The following MB21D2 variants were observed in gnomAD, a reference collection of about 807,000 sequenced individuals.
MB21D2 encodes Mab-21 domain containing 2, also known as nucleotidyltransferase MB21D2.
Under a neutral mutation model 33.3 loss-of-function variants are expected in MB21D2, and 9 were observed. The observed-to-expected ratio is 0.27, with a 90% CI of 0.16 to 0.47. The LOEUF (loss-of-function observed/expected upper bound fraction) is 0.47. Ranked by LOEUF, MB21D2 falls within the 20% of genes least tolerant of loss-of-function variation. MB21D2 has a pLI of 0.99. For synonymous variants in MB21D2, 241 were observed against 236.3 expected, an observed-to-expected ratio of 1.02 and a Z score of -0.18; for missense variants, 540 against 624.6, an observed-to-expected ratio of 0.86 and a Z score of 1.44.
intron 1 of MB21D2, among the ~76,000 whole-genome samples, chr3:192,804,425 A>T (rs1711619439): frequency 1.6e-5 from 1 of 61,446 alleles, no homozygotes; most frequent in African/African-American, 6.6e-5. Flanking sequence ...TTTAAAACAG[A>T]TACACACACA....
At chr3:192,893,218 T>C (rs1560253092) in intron 1 of MB21D2, among the ~76,000 whole-genome samples, 2 of 152,142 alleles carry the variant, frequency 1.3e-5, no homozygotes, top group Non-Finnish European at 2.9e-5. Context: ...GCGATGTGGG[T>C]TTCCCCATGT....
chr3:192,862,738 G>C (rs1293542897), intron 1 of MB21D2, among the ~76,000 whole-genome samples: 1 of 152,218 alleles, frequency 6.6e-6, no homozygotes, highest in East Asian at 1.9e-4. Context: ...GACATACACA[G>C]ATGGGAGATG....
rs771329328 is a variant in MB21D2, at chr3:192,799,010, G to A, written c.852C>T (p.Asp284=). The part of the protein sequence containing the change: ...VPACSYKGKK[D]NEWRLSFARS... ...TGGCAAAGGACAGCCGCCATTCATTGTCCTTCTTACCCTTGTAGGAGCAAG... is the reference window on the plus strand; with the variant it reads ...TGGCAAAGGACAGCCGCCATTCATTATCCTTCTTACCCTTGTAGGAGCAAG... The change falls in exon 2 of 2, where the codon GAC becomes GAT. Residue 284 remains aspartate (D), a synonymous_variant. Coordinates refer to ENST00000392452, the MANE Select transcript of MB21D2 (RefSeq NM_178496.4). The surrounding 1 kb of genome is among the most constrained non-coding windows in gnomAD (Gnocchi z 4.1). 1 of 1,614,056 alleles carries A rather than the reference G, an allele frequency of 6.2e-7. No individual in the cohort carries two copies. Among genetic ancestry groups the A allele is most frequent in the Admixed American group, 1.7e-5 (1 of 60,024 alleles).
chr3:192,887,869 C>T (rs1361401262), intron 1 of MB21D2, among the ~76,000 whole-genome samples: 1 of 152,004 alleles, frequency 6.6e-6, no homozygotes, highest in Non-Finnish European at 1.5e-5. Flanking sequence ...TGTGGAGATG[C>T]AGTTTCTCTT....
intron 1 of MB21D2, among the ~76,000 whole-genome samples, chr3:192,901,011 T>C (rs1183131284): frequency 6.6e-6 from 1 of 151,558 alleles, no homozygotes; most frequent in Non-Finnish European, 1.5e-5. Flanking sequence ...AGGATGGATG[T>C]ATGAATGCTT....
intron 1 of MB21D2, among the ~76,000 whole-genome samples, chr3:192,855,121 G>A (rs1418447516): frequency 6.6e-6 from 1 of 151,686 alleles, no homozygotes; most frequent in East Asian, 1.9e-4. Flanking sequence ...TTTCCAAGAT[G>A]GAGTCTTGCT....
At chr3:192,873,778 C>T (rs1713370385) in intron 1 of MB21D2, among the ~76,000 whole-genome samples, 1 of 152,156 alleles carries the variant, frequency 6.6e-6, no homozygotes, top group Non-Finnish European at 1.5e-5. Context: ...TCTCAGCTCA[C>T]TGTAACCTCT....
intron 1 of MB21D2, among the ~76,000 whole-genome samples, chr3:192,879,721 T>C (rs1189304274): frequency 6.6e-6 from 1 of 152,234 alleles, no homozygotes; most frequent in African/African-American, 2.4e-5. Flanking sequence ...TCTAGAGAAA[T>C]TTCTCCCAAA....
At chr3:192,888,717 T>C (rs572889712) in intron 1 of MB21D2, among the ~76,000 whole-genome samples, 4 of 151,950 alleles carry the variant, frequency 2.6e-5, no homozygotes, top group East Asian at 3.9e-4. Flanking sequence ...ATATGACTTA[T>C]TTCACCTAAA....
At chr3:192,829,882 A>G (rs1363300449) in intron 1 of MB21D2, among the ~76,000 whole-genome samples, 1 of 152,132 alleles carries the variant, frequency 6.6e-6, no homozygotes, top group Non-Finnish European at 1.5e-5. Context: ...ATGCACCACC[A>G]TGCCCAGCTA....
At chr3:192,914,728 C>A (rs1714426211) in intron 1 of MB21D2, among the ~76,000 whole-genome samples, 1 of 151,954 alleles carries the variant, frequency 6.6e-6, no homozygotes, top group Non-Finnish European at 1.5e-5. Flanking sequence ...AAATCAGAAT[C>A]TCTGTACAAA....
At chr3:192,868,993 A>C (rs187360489) in intron 1 of MB21D2, among the ~76,000 whole-genome samples, 1 of 152,310 alleles carries the variant, frequency 6.6e-6, no homozygotes, top group East Asian at 1.9e-4. Flanking sequence ...GTTAAAAGAA[A>C]TATACAGCAT....
At chr3:192,893,320 G>A (rs925114880) in intron 1 of MB21D2, among the ~76,000 whole-genome samples, 1 of 152,092 alleles carries the variant, frequency 6.6e-6, no homozygotes, top group Non-Finnish European at 1.5e-5. Flanking sequence ...CCCTCAAACC[G>A]ACCACCACTG....
intron 1 of MB21D2, among the ~76,000 whole-genome samples, chr3:192,883,115 G>A (rs1446332714): frequency 6.6e-6 from 1 of 151,914 alleles, no homozygotes; most frequent in African/African-American, 2.4e-5. Context: ...TAATCCACCC[G>A]TCTCGGCCTC....
At chr3:192,824,350 G>C (rs939871780) in intron 1 of MB21D2, among the ~76,000 whole-genome samples, 3 of 152,104 alleles carry the variant, frequency 2.0e-5, no homozygotes, top group Admixed American at 2.0e-4. Context: ...GTTTAAAGTT[G>C]GAGTTTATAG....
rs58394740 is a variant in MB21D2, at chr3:192,828,591, CATATATATATATATATATATATATATAT to C, written c.212-28969_212-28942del. Among the ~76,000 whole-genome samples, 316 of 54,072 alleles carry C rather than the reference CATATATATATATATATATATATATATAT, an allele frequency of 5.8e-3. 11 individuals are homozygous for C. The highest frequency in any genetic ancestry group is 0.013 in the Admixed American group (48 of 3,622). The allele number at this position is 54,072 out of a possible 152,430, so 35.5% of individuals were successfully genotyped here. The stretch of plus-strand genomic sequence containing the variant: ...TATATACAATAAAACTCACCCCCCC[CATATATATATATATATATATATATATAT>C]ATATATATATATATATATATATATA... On this transcript the variant is annotated intron_variant, in intron 1 of 1. Coordinates refer to ENST00000392452, the MANE Select transcript of MB21D2 (RefSeq NM_178496.4).
chr3:192,911,452 A>G (rs1714348867), intron 1 of MB21D2, among the ~76,000 whole-genome samples: 1 of 152,174 alleles, frequency 6.6e-6, no homozygotes, highest in South Asian at 2.1e-4. Flanking sequence ...TCAAAAGTCA[A>G]CTGGGATCAT....
intron 1 of MB21D2, among the ~76,000 whole-genome samples, chr3:192,808,159 T>G (rs1711706556): frequency 6.6e-6 from 1 of 152,164 alleles, no homozygotes; most frequent in African/African-American, 2.4e-5. Flanking sequence ...TGGTCAAAAC[T>G]AGTCACATGG....
In MB21D2 at chr3:192,798,875, G is replaced by C. The variant is rs1322697084; in HGVS notation, c.987C>G (p.Pro329=). 1 of 1,613,170 alleles carries C rather than the reference G, an allele frequency of 6.2e-7. No homozygotes were observed. Among genetic ancestry groups the C allele is most frequent in the East Asian group, 2.2e-5 (1 of 44,894 alleles). ...AGAGCATCATGCTCCGCAGGTGATA[G>C]GGGCTAATAGCCTTGGGCCGGGACA... is the stretch of plus-strand genomic sequence containing the variant. The part of the protein sequence containing the change: ...KLLSRPKAIS[P]YHLRSMMLWA... The change falls in exon 2 of 2, where the codon CCC becomes CCG. Residue 329 remains proline (P), a synonymous_variant. Transcript: ENST00000392452. This position sits in a 1 kb window ranked among gnomAD's most constrained non-coding sequence, Gnocchi z 4.8.
Sources: allele counts gnomAD v4.1 joint callset (sites outside exome capture counted in the v4.1 genomes callset), GRCh38; gene constraint gnomAD v4.1.1; non-coding constraint Gnocchi (gnomAD v3.1); transcripts MANE v1.5; gene names NCBI Gene and HGNC (gene_info 2026-07-23, HGNC 2026-07-21).